MCPH1: variants seen among roughly 807,000 people sequenced by gnomAD.
MCPH1 encodes microcephalin 1.
Under a neutral mutation model 84.5 loss-of-function variants are expected in MCPH1, and 104 were observed. The observed-to-expected ratio is 1.23, with a 90% CI of 1.05 to 1.45. MCPH1 has a LOEUF of 1.45. MCPH1 is among the 40% of genes most tolerant of loss of function. MCPH1 has a pLI of 0.00. For synonymous variants in MCPH1, 514 were observed against 366.8 expected, an observed-to-expected ratio of 1.40 and a Z score of -4.58; for missense variants, 1,498 against 1,005.7, an observed-to-expected ratio of 1.49 and a Z score of -6.62.
intron 12 of MCPH1, among the ~76,000 whole-genome samples, chr8:6,506,019 A>T (rs932805336): frequency 6.9e-6 from 1 of 145,340 alleles, no homozygotes; most frequent in Non-Finnish European, 1.5e-5. Context: ...ATATGTATAT[A>T]TATAAAAACA....
In MCPH1 at chr8:6,438,935, T is replaced by G; in HGVS notation, c.437-18T>G. On this transcript the variant is annotated intron_variant, in intron 5 of 13. Coordinates refer to ENST00000344683, the MANE Select transcript of MCPH1 (RefSeq NM_024596.5). ...AGGCACTTTTTGGTCTTAAAGTGGA[T>G]TTTTTGTTTATTTTCAGATGATGAT... 6.2e-7 allele frequency: 1 copy of G among 1,609,478 alleles called. No homozygotes were observed.
intron 4 of MCPH1, among the ~76,000 whole-genome samples, chr8:6,434,708 A>G (rs528883689): frequency 6.6e-6 from 1 of 152,190 alleles, no homozygotes; most frequent in Non-Finnish European, 1.5e-5. Context: ...TTGAGTAGCT[A>G]AAAGAAGTTC....
chr8:6,410,873 TGA>T (rs961198187), intron 2 of MCPH1, among the ~76,000 whole-genome samples: 1 of 152,064 alleles, frequency 6.6e-6, no homozygotes, highest in Non-Finnish European at 1.5e-5. Flanking sequence ...GCGGATCACC[TGA>T]GGTCAGGAGT....
chr8:6,530,852 T>G (rs1313966925), intron 12 of MCPH1, among the ~76,000 whole-genome samples: 3 of 152,240 alleles, frequency 2.0e-5, no homozygotes, highest in African/African-American at 7.2e-5. Context: ...TGTGTCCTTC[T>G]AGAATGAGTC....
intron 12 of MCPH1, among the ~76,000 whole-genome samples, chr8:6,606,915 C>T (rs1829824423): frequency 6.6e-6 from 1 of 152,220 alleles, no homozygotes; most frequent in Admixed American, 6.5e-5. Context: ...TTTCACCTTC[C>T]ACTATGAGTG....
intron 12 of MCPH1, among the ~76,000 whole-genome samples, chr8:6,524,199 C>T (rs546221735): frequency 8.7e-4 from 132 of 152,218 alleles, no homozygotes; most frequent in African/African-American, 2.9e-3. Flanking sequence ...CTCATATTCC[C>T]TTTTTTGAGT....
At chr8:6,629,925 T>A (rs1797029292) in intron 13 of MCPH1, among the ~76,000 whole-genome samples, 1 of 152,204 alleles carries the variant, frequency 6.6e-6, no homozygotes, top group African/African-American at 2.4e-5. Flanking sequence ...AAAACTCTTT[T>A]TTGTTTACAC....
chr8:6,563,122 T>G (rs1825810605), intron 12 of MCPH1: 3 of 543,888 alleles, frequency 5.5e-6, no homozygotes, highest in Non-Finnish European at 9.6e-6. Flanking sequence ...TCTCCAGGCA[T>G]GCAGTAAACT....
intron 12 of MCPH1, among the ~76,000 whole-genome samples, chr8:6,541,417 G>T (rs2959820): frequency 0.81 from 123,320 of 151,906 alleles, 50,242 homozygotes; most frequent in Middle Eastern, 0.86. Context: ...GAGGAGAGGA[G>T]AGGAAAAGCA....
intron 12 of MCPH1, among the ~76,000 whole-genome samples, chr8:6,604,468 A>G (rs932831179): frequency 6.6e-6 from 1 of 152,244 alleles, no homozygotes; most frequent in African/African-American, 2.4e-5. Context: ...ATACAGTGGA[A>G]TGTGAGAGCA....
chr8:6,534,718 A>C (rs1235460151), intron 12 of MCPH1, among the ~76,000 whole-genome samples: 2 of 152,236 alleles, frequency 1.3e-5, no homozygotes, highest in East Asian at 3.8e-4. Flanking sequence ...AGGCTTCATA[A>C]AATGTGAAGA....
At chr8:6,555,854 C>T (rs546089149) in intron 12 of MCPH1, among the ~76,000 whole-genome samples, 107 of 152,320 alleles carry the variant, frequency 7.0e-4, no homozygotes, top group South Asian at 1.2e-3. Flanking sequence ...AATTTCTTAT[C>T]GTTCCTTTAC....
chr8:6,625,059 G>C (rs1166571757), intron 13 of MCPH1: 1 of 532,350 alleles, frequency 1.9e-6, no homozygotes, highest in South Asian at 8.2e-5. Context: ...ATTTTTAGTA[G>C]AGATGAGGTT....
At position 6,444,902 on chromosome 8, in the gene MCPH1, C is replaced by G. The variant is rs1585809746; in HGVS notation, c.1180C>G (p.Leu394Val). Residue 394 changes from leucine (L) to valine (V), a missense_variant, in exon 8 of 14, where the codon CTG becomes GTG. Physicochemically the swap from Leu to Val is conservative, Grantham distance 32. Coordinates refer to ENST00000344683, the MANE Select transcript of MCPH1 (RefSeq NM_024596.5). ...RLQLCRSEDR[L>V]QHVAGPALEA... ...GCAGCTGTGCAGGTCGGAAGACAGGCTGCAGCACGTGGCGGGACCTGCCCT... is the reference window on the plus strand; with the variant it reads ...GCAGCTGTGCAGGTCGGAAGACAGGGTGCAGCACGTGGCGGGACCTGCCCT... 6.2e-7 allele frequency: 1 copy of G among 1,614,022 alleles called. No individual in the cohort carries two copies. Among genetic ancestry groups the G allele is most frequent in the African/African-American group, 1.3e-5 (1 of 74,924 alleles).
At chr8:6,443,369 T>A (rs1803795179) in intron 7 of MCPH1, among the ~76,000 whole-genome samples, 1 of 152,236 alleles carries the variant, frequency 6.6e-6, no homozygotes, top group Admixed American at 6.5e-5. Flanking sequence ...AAAGTGACCT[T>A]ATTTCCAACT....
chr8:6,509,189 T>A, intron 12 of MCPH1: 1 of 1,202,966 alleles, frequency 8.3e-7, no homozygotes, highest in Non-Finnish European at 1.1e-6. Context: ...GACTAATGCA[T>A]ACTCTGGACA....
chr8:6,448,782 G>C (rs902252757), intron 8 of MCPH1, among the ~76,000 whole-genome samples: 5 of 152,122 alleles, frequency 3.3e-5, no homozygotes, highest in Non-Finnish European at 7.4e-5. Context: ...TTCTAATAGA[G>C]CCTATAGGTA....
At chr8:6,413,284 G>A (rs1298484493) in intron 2 of MCPH1, among the ~76,000 whole-genome samples, 2 of 151,704 alleles carry the variant, frequency 1.3e-5, no homozygotes, top group East Asian at 3.9e-4. Flanking sequence ...GTTTGCATGT[G>A]ATGTGTCTCT....
intron 12 of MCPH1, chr8:6,513,705 T>C: frequency 6.2e-7 from 1 of 1,612,726 alleles, no homozygotes; most frequent in Non-Finnish European, 8.5e-7. Flanking sequence ...ACTTGAGAGA[T>C]AGAAATGTTC....
Sources: gnomAD v4.1 joint callset for allele counts (sites outside exome capture counted in the v4.1 genomes callset) on GRCh38, gnomAD v4.1.1 for gene constraint, MANE v1.5 for transcripts, NCBI Gene and HGNC (gene_info 2026-07-23, HGNC 2026-07-21) for gene names.